Variants in SRGAP1 observed in about 807,000 individuals in gnomAD.
SRGAP1 encodes SLIT-ROBO Rho GTPase activating protein 1.
A neutral mutation model predicts 121.9 loss-of-function variants in SRGAP1; 43 were observed. That is an observed-to-expected ratio of 0.35 (90% CI 0.28 to 0.46). The LOEUF (loss-of-function observed/expected upper bound fraction) is 0.46. Among genes scored for constraint, SRGAP1 ranks in the 20% least tolerant of loss-of-function variants. SRGAP1 has a pLI of 1.00. For missense variants in SRGAP1, 1,102 were observed against 1,350.9 expected (o/e 0.82, Z 2.89); for synonymous variants, 447 against 485.4 (o/e 0.92, Z 1.04).
chr12:64,081,723 C>G (rs969363797), intron 10 of SRGAP1: 1 of 150,996 alleles, frequency 6.6e-6, no homozygotes, highest in African/African-American at 2.4e-5. Context: ...CATTCTTATT[C>G]TTAAGAAATG....
At chr12:63,845,830 C>A (rs1898885851) in intron 1 of SRGAP1, among the ~76,000 whole-genome samples, 1 of 152,164 alleles carries the variant, frequency 6.6e-6, no homozygotes, top group African/African-American at 2.4e-5. Context: ...TTCTTTGACA[C>A]ATTCAATGCA....
intron 1 of SRGAP1, among the ~76,000 whole-genome samples, chr12:63,880,828 T>A (rs1009831403): frequency 1.3e-5 from 2 of 152,222 alleles, no homozygotes; most frequent in African/African-American, 4.8e-5. Flanking sequence ...TCTTCTTGCC[T>A]CCCTGGCTCC....
chr12:63,857,244 T>C (rs1899284904), intron 1 of SRGAP1, among the ~76,000 whole-genome samples: 1 of 150,220 alleles, frequency 6.7e-6, no homozygotes, highest in African/African-American at 2.5e-5. Flanking sequence ...CACGCCCAGC[T>C]AATTTTGTAT....
intron 10 of SRGAP1, among the ~76,000 whole-genome samples, chr12:64,082,458 T>C (rs1401299189): frequency 6.6e-6 from 1 of 151,998 alleles, no homozygotes; most frequent in African/African-American, 2.4e-5. Context: ...TTTTCTTTTT[T>C]TTTTTTTTTG....
rs1183007101 is a variant in SRGAP1, at chr12:63,844,984, G to A, written c.67+101G>A. The stretch of plus-strand genomic sequence containing the variant: ...TTGGTGTCTGCGTGGGAGGAAGGTG[G>A]TGAGGGGACAGCTCGAGCCCTGTCT... On this transcript the variant is annotated intron_variant, in intron 1 of 21. Transcript: ENST00000355086. This position sits in a 1 kb window ranked among gnomAD's most constrained non-coding sequence, Gnocchi z 4.3. 2 of 1,213,948 alleles carry A rather than the reference G, an allele frequency of 1.6e-6. No individual in the cohort carries two copies. The highest frequency in any genetic ancestry group is 3.0e-5 in the African/African-American group (2 of 66,832). 75.2% of individuals were successfully genotyped at this position (1,213,948 alleles called of 1,614,324 possible).
Position 64,108,948 on chromosome 12 carries a change from TGA to T in SRGAP1, c.1834_1835del (p.Arg612GlyfsTer35). 1 of 1,603,286 alleles carries T rather than the reference TGA, an allele frequency of 6.2e-7. No individual in the cohort carries two copies. Among genetic ancestry groups the T allele is most frequent in the Non-Finnish European group, 8.5e-7 (1 of 1,172,752 alleles). Reference sequence around the variant, plus strand: ...TGTCTGTAGGAATAGATAATCTCTATGAGAGGGCGCTTCACATCCGCAAACTC... The same window carrying T: ...TGTCTGTAGGAATAGATAATCTCTATGAGGGCGCTTCACATCCGCAAACTC... ...ISCIRIDNLYERALHIRKLLL... is the reference protein window; with the variant it reads ...ISCIRIDNLYXRALHIRKLLL... On this transcript the variant is annotated frameshift_variant, in exon 16 of 22. Transcript: ENST00000355086. LOFTEE classifies it high-confidence loss of function.
chr12:63,983,341 GT>G (rs930053472), intron 1 of SRGAP1: 1 of 152,152 alleles, frequency 6.6e-6, no homozygotes, highest in Admixed American at 6.5e-5. Flanking sequence ...ACCCAAAGAT[GT>G]TACGAATTGT....
intron 1 of SRGAP1, among the ~76,000 whole-genome samples, chr12:63,949,874 AT>A (rs2032233614): frequency 6.6e-6 from 1 of 152,208 alleles, no homozygotes; most frequent in African/African-American, 2.4e-5. Context: ...TAAGAAAGGA[AT>A]CCAAACTAAT....
chr12:64,124,588 G>C (rs2036657981), intron 18 of SRGAP1, among the ~76,000 whole-genome samples: 1 of 152,158 alleles, frequency 6.6e-6, no homozygotes. Flanking sequence ...CTAAGGATGA[G>C]GTATTTGTGG....
rs575423615 is a variant in SRGAP1, at chr12:63,985,442, A to G, written c.263+1300A>G. 7.2e-5 allele frequency among the ~76,000 whole-genome samples: 11 copies of G among 152,288 alleles called. No homozygotes were observed. The South Asian group carries it at 1.2e-3, about 17-fold the overall frequency. On this transcript the variant is annotated intron_variant, in intron 2 of 21. Transcript: ENST00000355086. ...CCAGTTGGGACCTTTTCCTGAGGGC[A>G]TGAGAAGGAACACTGCAGGTAGAGA...
intron 1 of SRGAP1, among the ~76,000 whole-genome samples, chr12:63,907,261 G>A (rs2030258483): frequency 6.6e-6 from 1 of 152,180 alleles, no homozygotes; most frequent in Non-Finnish European, 1.5e-5. Context: ...AGTTAGCCAG[G>A]TGTTGTGGCT....
chr12:63,851,019 G>A (rs1899057024), intron 1 of SRGAP1, among the ~76,000 whole-genome samples: 1 of 151,780 alleles, frequency 6.6e-6, no homozygotes, highest in African/African-American at 2.4e-5. Context: ...AGCCGGGTGT[G>A]GTAGCATGTA....
chr12:64,104,195 AAATTTTTCACAT>A (rs2036303235), intron 15 of SRGAP1, among the ~76,000 whole-genome samples: 1 of 152,200 alleles, frequency 6.6e-6, no homozygotes, highest in African/African-American at 2.4e-5. Context: ...GTTTTATGGT[AAATTTTTCACAT>A]GCATTTACAT....
chr12:64,149,968 CACTT>C lies in SRGAP1; in HGVS notation c.*7298_*7301del, dbSNP rs996065608. The C allele has an allele frequency of 6.6e-6, 1 of 152,130 alleles. No individual in the cohort carries two copies. The highest frequency in any genetic ancestry group is 1.5e-5 in the Non-Finnish European group (1 of 68,036). The allele number at this position is 152,130 out of a possible 1,614,324, so 9.4% of individuals were successfully genotyped here. On this transcript the variant is annotated 3_prime_UTR_variant, in exon 22 of 22. Coordinates refer to ENST00000355086, the MANE Select transcript of SRGAP1 (RefSeq NM_020762.4). ...AAACTTTAGTATAAATATTTTTGCT[CACTT>C]AATAATCACGGTGAGGTTCATCACC...
intron 1 of SRGAP1, among the ~76,000 whole-genome samples, chr12:63,884,844 G>C (rs1181474138): frequency 6.6e-6 from 1 of 150,470 alleles, no homozygotes; most frequent in Non-Finnish European, 1.5e-5. Flanking sequence ...CTCAGCCTCC[G>C]GAGTAGCTGG....
chr12:64,104,911 AT>A (rs2036317719), intron 15 of SRGAP1, among the ~76,000 whole-genome samples: 1 of 147,888 alleles, frequency 6.8e-6, no homozygotes, highest in Non-Finnish European at 1.5e-5. Context: ...ATATATATAT[AT>A]AAAAAATATA....
rs60508657 is a variant in SRGAP1 at position 63,954,677 on chromosome 12, C to CAAAAAAAAA, written c.68-29263_68-29255dup. On this transcript the variant is annotated intron_variant, in intron 1 of 21. Transcript: ENST00000355086. Reference sequence around the variant, plus strand: ...TGGGGGACAGAGCGAGACTCCATCTCAAAAAAAAAAAAAAAGAAAAGAAAA... The same window carrying CAAAAAAAAA: ...TGGGGGACAGAGCGAGACTCCATCTCAAAAAAAAAAAAAAAAAAAAAAAAGAAAAGAAAA... Among the ~76,000 whole-genome samples, 702 of 104,498 alleles carry CAAAAAAAAA rather than the reference C, an allele frequency of 6.7e-3. 3 individuals are homozygous for CAAAAAAAAA. Among genetic ancestry groups the CAAAAAAAAA allele is most frequent in the Non-Finnish European group, 0.011 (551 of 50,944 alleles). The allele number at this position is 104,498 out of a possible 152,430, so 68.6% of individuals were successfully genotyped here.
rs1038166681 is a variant in SRGAP1, at chr12:64,145,303, G to C, written c.*2631G>C. The C allele has an allele frequency of 1.3e-5, 2 of 152,174 alleles. No homozygotes were observed. Among genetic ancestry groups the C allele is most frequent in the African/African-American group, 4.8e-5 (2 of 41,412 alleles). 9.4% of individuals were successfully genotyped at this position (152,174 alleles called of 1,614,324 possible). On this transcript the variant is annotated 3_prime_UTR_variant, in exon 22 of 22. Transcript: ENST00000355086. ...AGCTTTTCAGATCTTCCTCCTACCT[G>C]TTCATTTATTCAGCCTTCTATCTGG...
At chr12:64,056,788 C>T (rs1436843410) in intron 6 of SRGAP1, among the ~76,000 whole-genome samples, 1 of 152,108 alleles carries the variant, frequency 6.6e-6, no homozygotes, top group Non-Finnish European at 1.5e-5. Context: ...CTTTTTCTCG[C>T]CTGGGGCCTT....
Sources: gnomAD v4.1 joint callset for allele counts (sites outside exome capture counted in the v4.1 genomes callset) on GRCh38, gnomAD v4.1.1 for gene constraint, Gnocchi (gnomAD v3.1) non-coding constraint, MANE v1.5 for transcripts, NCBI Gene and HGNC (gene_info 2026-07-23, HGNC 2026-07-21) for gene names.